Variants in PIK3R1 observed in about 807,000 individuals in gnomAD.
The protein encoded by PIK3R1 is phosphatidylinositol 3-kinase regulatory subunit alpha.
In PIK3R1, 29 loss-of-function variants were observed where a neutral mutation model predicts 98.0. The observed-to-expected ratio is 0.30, with a 90% confidence interval of 0.22 to 0.40. The LOEUF is 0.40. Ranked by LOEUF, PIK3R1 falls within the 10% of genes least tolerant of loss-of-function variation. The pLI, the probability that PIK3R1 is intolerant of heterozygous loss-of-function variation, is 1.00. For synonymous variants in PIK3R1, 282 were observed against 311.8 expected (o/e 0.90, Z 1.01); for missense variants, 596 against 872.7 (o/e 0.68, Z 3.99).
intron 7 of PIK3R1, chr5:68,288,485 C>T (rs1747181220): frequency 1.5e-6 from 2 of 1,310,504 alleles, no homozygotes; most frequent in Non-Finnish European, 1.9e-6. Context: ...CCCGGACGCA[C>T]TGCCGGGCGG....
At chr5:68,221,931 TATG>T (rs1684748344) in intron 1 of PIK3R1, among the ~76,000 whole-genome samples, 1 of 152,260 alleles carries the variant, frequency 6.6e-6, no homozygotes, top group South Asian at 2.1e-4. Context: ...AACTGTTGCA[TATG>T]ATATTATATA....
chr5:68,293,882 T>TTAAAGACTAACA (rs1423594459), intron 11 of PIK3R1, 48 bp downstream of exon 11: 2 of 1,418,852 alleles, frequency 1.4e-6, no homozygotes, highest in South Asian at 2.6e-5. Flanking sequence ...TTCTAAACTT[T>TTAAAGACTAACA]TAAAGACTAA....
At chr5:68,228,895 A>G (rs1435555465) in intron 2 of PIK3R1, among the ~76,000 whole-genome samples, 2 of 152,138 alleles carry the variant, frequency 1.3e-5, no homozygotes, top group Non-Finnish European at 2.9e-5. Context: ...AGGAAAAGTC[A>G]TTTTCTCTTT....
At chr5:68,295,816 A>ATACTTTG in intron 14 of PIK3R1, 1 of 459,986 alleles carries the variant, frequency 2.2e-6, no homozygotes, top group Non-Finnish European at 3.9e-6. Flanking sequence ...GCTTAAGTAT[A>ATACTTTG]TACTTTGTTT....
chr5:68,292,849 C>A, intron 8 of PIK3R1: 1 of 834,968 alleles, frequency 1.2e-6, no homozygotes, highest in Non-Finnish European at 1.7e-6. Context: ...AAGTGATATG[C>A]ACCTGTTTGT....
intron 2 of PIK3R1, among the ~76,000 whole-genome samples, chr5:68,242,113 A>T (rs1196190534): frequency 1.3e-5 from 2 of 152,260 alleles, no homozygotes; most frequent in African/African-American, 4.8e-5. Flanking sequence ...CATTCCATTT[A>T]GGCAAAAGTG....
chr5:68,300,735 G>A lies in PIK3R1; in HGVS notation c.*3134G>A, dbSNP rs774367901. On this transcript the variant is annotated 3_prime_UTR_variant, in exon 16 of 16. Transcript: ENST00000521381. ...AAAGTACATAACAAGCGAACGTCTAGTACAATTCTTACTTATGTGTATGGG... is the reference window on the plus strand; with the variant it reads ...AAAGTACATAACAAGCGAACGTCTAATACAATTCTTACTTATGTGTATGGG... 49 of 233,146 alleles carry A rather than the reference G, an allele frequency of 2.1e-4. No individual in the cohort carries two copies. Among genetic ancestry groups the A allele is most frequent in the Non-Finnish European group, 6.8e-5 (8 of 118,040 alleles). 14.4% of individuals were successfully genotyped at this position (233,146 alleles called of 1,614,324 possible). A position where few individuals can be genotyped will look rare whatever the true frequency, so the allele number is the denominator to read the frequency against.
chr5:68,279,516 A>T (rs16897620), intron 4 of PIK3R1, 86 bp from the exon 5 acceptor site: 7 of 962,852 alleles, frequency 7.3e-6, no homozygotes, highest in South Asian at 1.8e-5. Flanking sequence ...TTTTTGTCAC[A>T]TGTGAGTCAA....
intron 2 of PIK3R1, among the ~76,000 whole-genome samples, chr5:68,245,337 G>A (rs984393306): frequency 6.6e-6 from 1 of 152,120 alleles, no homozygotes; most frequent in Admixed American, 6.5e-5. Context: ...AAATAGTTGA[G>A]TTTTAAATAT....
At chr5:68,232,789 G>A (rs1230599957) in intron 2 of PIK3R1, among the ~76,000 whole-genome samples, 4 of 152,146 alleles carry the variant, frequency 2.6e-5, no homozygotes, top group East Asian at 1.9e-4. Flanking sequence ...TCAAAAATGG[G>A]AAAAGGGTCC....
intron 2 of PIK3R1, chr5:68,239,802 T>A (rs575072815): frequency 2.0e-6 from 1 of 494,868 alleles, no homozygotes; most frequent in Admixed American, 2.4e-5. Flanking sequence ...CGGTCTGATA[T>A]GACAAAGTGA....
intron 2 of PIK3R1, among the ~76,000 whole-genome samples, chr5:68,247,448 G>A (rs898489784): frequency 4.0e-5 from 6 of 151,400 alleles, no homozygotes; most frequent in Non-Finnish European, 7.4e-5. Context: ...ACAGGCGTGC[G>A]CCACCATGCC....
intron 7 of PIK3R1, among the ~76,000 whole-genome samples, chr5:68,285,240 C>T (rs2112212281): frequency 6.6e-6 from 1 of 152,334 alleles, no homozygotes; most frequent in South Asian, 2.1e-4. Context: ...CTTTCTACCC[C>T]TTGCCCTTCT....
chr5:68,276,264 A>G (rs1746567951), intron 4 of PIK3R1, among the ~76,000 whole-genome samples: 1 of 152,202 alleles, frequency 6.6e-6, no homozygotes, highest in African/African-American at 2.4e-5. Context: ...TGTCCCGTGC[A>G]TTGTGGGAAG....
At chr5:68,245,645 A>G (rs1745054112) in intron 2 of PIK3R1, among the ~76,000 whole-genome samples, 1 of 152,256 alleles carries the variant, frequency 6.6e-6, no homozygotes, top group Non-Finnish European at 1.5e-5. Flanking sequence ...CAAGGATTTC[A>G]GTGAGGCACT....
intron 4 of PIK3R1, among the ~76,000 whole-genome samples, chr5:68,278,115 T>C (rs1488044032): frequency 2.6e-5 from 4 of 152,038 alleles, no homozygotes; most frequent in Non-Finnish European, 5.9e-5. Flanking sequence ...ATTGTGTCTT[T>C]TTCCAACCCA....
chr5:68,222,382 C>T (rs1353983597), intron 1 of PIK3R1, among the ~76,000 whole-genome samples: 1 of 152,094 alleles, frequency 6.6e-6, no homozygotes, highest in Non-Finnish European at 1.5e-5. Context: ...TGCCATATCC[C>T]CCTAAGGAGG....
intron 7 of PIK3R1, among the ~76,000 whole-genome samples, chr5:68,290,108 C>CTGT (rs1747307142): frequency 6.6e-6 from 1 of 152,204 alleles, no homozygotes; most frequent in Non-Finnish European, 1.5e-5. Flanking sequence ...TTTCTTTTAA[C>CTGT]TGTCCTTTCT....
chr5:68,230,973 G>GCTTT (rs1744443592), intron 2 of PIK3R1, among the ~76,000 whole-genome samples: 2 of 152,136 alleles, frequency 1.3e-5, no homozygotes, highest in African/African-American at 4.8e-5. Context: ...GGCTCTTTCT[G>GCTTT]CTTTAGCTTG....
Sources: allele counts gnomAD v4.1 joint callset (sites outside exome capture counted in the v4.1 genomes callset), GRCh38; gene constraint gnomAD v4.1.1; transcripts MANE v1.5; gene names NCBI Gene and HGNC (gene_info 2026-07-23, HGNC 2026-07-21).